UPK1B: variants seen among roughly 807,000 people sequenced by gnomAD.
UPK1B encodes the protein uroplakin 1B.
A neutral mutation model predicts 34.2 loss-of-function variants in UPK1B; 28 were observed. The ratio of observed to expected loss-of-function variants is 0.82; its 90% confidence interval spans 0.61 to 1.12. The LOEUF is 1.12. Ranked by LOEUF, UPK1B falls within the 50% of genes most tolerant of loss-of-function variation. The pLI, the probability that UPK1B is intolerant of heterozygous loss-of-function variation, is 0.00. For synonymous variants in UPK1B, 81 were observed against 110.4 expected, an observed-to-expected ratio of 0.73 and a Z score of 1.67; for missense variants, 325 against 320.9, an observed-to-expected ratio of 1.01 and a Z score of -0.10.
intron 1 of UPK1B, among the ~76,000 whole-genome samples, chr3:119,178,089 G>T (rs1051694039): frequency 6.6e-6 from 1 of 152,114 alleles, no homozygotes; most frequent in Admixed American, 6.5e-5. Context: ...CAAAGGGTTG[G>T]GGGGGTGGGG....
At chr3:119,175,012 CTTTTTTTTTTTTTTTTTTT>C (rs374721069) in intron 1 of UPK1B, among the ~76,000 whole-genome samples, 7 of 67,482 alleles carry the variant, frequency 1.0e-4, no homozygotes, top group East Asian at 4.7e-4. Context: ...CTTTTATTTT[CTTTTTTTTTTTTTTTTTTT>C]TTTTTTTTTT....
rs754123706 is a variant in UPK1B, at chr3:119,194,276, C to T, written c.526C>T (p.Arg176Trp). 10 of 1,613,844 alleles carry T rather than the reference C, an allele frequency of 6.2e-6. No homozygotes were observed. Among genetic ancestry groups the T allele is most frequent in the South Asian group, 5.5e-5 (5 of 91,070 alleles). Residue 176 changes from arginine to tryptophan, a missense_variant, in exon 6 of 8, where the codon CGG becomes TGG. Arg to Trp is a moderately radical substitution (Grantham distance 101). Transcript: ENST00000264234. ...SDWQKYTSAF[R>W]TENNDADYPW... Reference sequence around the variant, plus strand: ...CTGGCAAAAATACACATCTGCCTTCCGGACTGAGAATAATGATGCTGACTA... The same window carrying T: ...CTGGCAAAAATACACATCTGCCTTCTGGACTGAGAATAATGATGCTGACTA...
chr3:119,178,144 G>C (rs1439967566), intron 1 of UPK1B, among the ~76,000 whole-genome samples: 2 of 152,230 alleles, frequency 1.3e-5, no homozygotes, highest in Non-Finnish European at 2.9e-5. Flanking sequence ...ACCTGGATGG[G>C]TGCTGCCTTG....
At chr3:119,178,322 G>A (rs1050546973) in intron 1 of UPK1B, among the ~76,000 whole-genome samples, 18 of 152,200 alleles carry the variant, frequency 1.2e-4, no homozygotes, top group Admixed American at 1.1e-3. Context: ...AACAGAGAGT[G>A]GGGGGACAAG....
In UPK1B at chr3:119,204,066, AC is replaced by A. The variant is rs1377489881; in HGVS notation, c.*100del. On this transcript the variant is annotated 3_prime_UTR_variant, in exon 8 of 8. Coordinates refer to ENST00000264234, the MANE Select transcript of UPK1B (RefSeq NM_006952.4). ...TATTCCACGTTTGTGCCCCACACTA[AC>A]GTGTGTGTCTTACATTGCCAAGTCA... 20 of 1,376,380 alleles carry A rather than the reference AC, an allele frequency of 1.5e-5. No individual in the cohort carries two copies. In the Admixed American group the frequency reaches 2.9e-4, roughly 20 times the overall value. The allele number at this position is 1,376,380 out of a possible 1,614,324, so 85.3% of individuals were successfully genotyped here. A position where few individuals can be genotyped will look rare whatever the true frequency, so the allele number is the denominator to read the frequency against.
intron 5 of UPK1B, among the ~76,000 whole-genome samples, chr3:119,191,923 A>T (rs1459009248): frequency 6.6e-6 from 1 of 152,034 alleles, no homozygotes; most frequent in Non-Finnish European, 1.5e-5. Context: ...TAGGGATTTC[A>T]ATATCTCACT....
rs765431096 is a variant in UPK1B at position 119,186,814 on chromosome 3, A to C, written c.69+4A>C. 8 of 1,613,512 alleles carry C rather than the reference A, an allele frequency of 5.0e-6. No individual in the cohort carries two copies. In the South Asian group the frequency reaches 7.7e-5, roughly 16 times the overall value. ...TTTTGGAAATGTGATTATTGGTGTA[A>C]GTAATGATTATTTTCCAGGAAATTC... On this transcript the variant is annotated splice_donor_region_variant and intron_variant, in intron 2 of 7. Transcript: ENST00000264234.
chr3:119,187,715 C>G, intron 2 of UPK1B, 60 bp from the exon 3 acceptor site: 1 of 1,538,552 alleles, frequency 6.5e-7, no homozygotes, highest in Non-Finnish European at 9.0e-7. Flanking sequence ...CCTTCCCCAC[C>G]CTCCACCCCC....
intron 7 of UPK1B, 148 bp downstream of exon 7, chr3:119,199,288 GA>G (rs2078081214): frequency 2.3e-6 from 2 of 851,270 alleles, no homozygotes; most frequent in East Asian, 2.8e-5. Context: ...GGCACCGGAA[GA>G]AGGACAGTGG....
chr3:119,185,769 T>C (rs2078015125), intron 1 of UPK1B, among the ~76,000 whole-genome samples: 2 of 152,252 alleles, frequency 1.3e-5, no homozygotes, highest in Non-Finnish European at 1.5e-5. Flanking sequence ...GAGCTGTAGA[T>C]GGCTTTTCTC....
intron 1 of UPK1B, among the ~76,000 whole-genome samples, chr3:119,179,019 G>C (rs1257818321): frequency 6.6e-6 from 1 of 152,058 alleles, no homozygotes; most frequent in African/African-American, 2.4e-5. Flanking sequence ...GGTTCTTTCA[G>C]AGATAGAACC....
chr3:119,185,428 G>A (rs2078013376), intron 1 of UPK1B, among the ~76,000 whole-genome samples: 1 of 152,056 alleles, frequency 6.6e-6, no homozygotes, highest in Non-Finnish European at 1.5e-5. Flanking sequence ...TTGCTCTTCT[G>A]TCTCTACTCC....
At chr3:119,195,637 T>G (rs1402569668) in intron 6 of UPK1B, among the ~76,000 whole-genome samples, 1 of 152,248 alleles carries the variant, frequency 6.6e-6, no homozygotes, top group Non-Finnish European at 1.5e-5. Flanking sequence ...ATAATTATTC[T>G]CAGGACTATA....
At chr3:119,181,697 A>G (rs1040461544) in intron 1 of UPK1B, among the ~76,000 whole-genome samples, 1 of 152,196 alleles carries the variant, frequency 6.6e-6, no homozygotes, top group African/African-American at 2.4e-5. Context: ...AATAAACATT[A>G]TTTATTTACT....
intron 1 of UPK1B, among the ~76,000 whole-genome samples, chr3:119,180,338 C>A (rs1036762965): frequency 6.6e-6 from 1 of 152,210 alleles, no homozygotes; most frequent in Non-Finnish European, 1.5e-5. Flanking sequence ...TAAAGAATAT[C>A]TTCACAGCAA....
chr3:119,179,399 T>TATATAGA (rs1559900078), intron 1 of UPK1B, among the ~76,000 whole-genome samples: 1 of 54,314 alleles, frequency 1.8e-5, no homozygotes, highest in Non-Finnish European at 3.5e-5. Context: ...ATATATATAT[T>TATATAGA]AATTCTAAGG....
chr3:119,174,618 A>T (rs1174078051), intron 1 of UPK1B, among the ~76,000 whole-genome samples: 1 of 152,198 alleles, frequency 6.6e-6, no homozygotes, highest in East Asian at 1.9e-4. Flanking sequence ...AAGTTTTGTT[A>T]ACTTGAATGT....
chr3:119,174,527 C>CA (rs1459704418), intron 1 of UPK1B, among the ~76,000 whole-genome samples: 1 of 151,368 alleles, frequency 6.6e-6, no homozygotes, highest in Non-Finnish European at 1.5e-5. Context: ...AAGCTGAGGC[C>CA]ACGTGATCAG....
At chr3:119,177,663 G>A (rs981080074) in intron 1 of UPK1B, among the ~76,000 whole-genome samples, 8 of 152,148 alleles carry the variant, frequency 5.3e-5, no homozygotes, top group Non-Finnish European at 1.0e-4. Flanking sequence ...TGTGACACCC[G>A]TCAATTAATT....
Sources: gnomAD v4.1 joint callset for allele counts (sites outside exome capture counted in the v4.1 genomes callset) on GRCh38, gnomAD v4.1.1 for gene constraint, MANE v1.5 for transcripts, NCBI Gene and HGNC (gene_info 2026-07-23, HGNC 2026-07-21) for gene names.